The following GOLGA5 variants were observed in gnomAD, a reference collection of about 807,000 sequenced individuals.
GOLGA5 encodes the protein golgin subfamily A member 5.
GOLGA5 carries 50 observed loss-of-function variants against 93.5 expected under a neutral mutation model. The ratio of observed to expected loss-of-function variants is 0.53; its 90% CI spans 0.43 to 0.68. The LOEUF is 0.68. GOLGA5 is among the 30% of genes least tolerant of loss of function. The pLI is 0.00. For synonymous variants in GOLGA5, 312 were observed against 304.5 expected, an observed-to-expected ratio of 1.02 and a Z score of -0.26; for missense variants, 760 against 856.4, an observed-to-expected ratio of 0.89 and a Z score of 1.40.
At chr14:92,806,184 CAG>C (rs1028637534) in intron 2 of GOLGA5, among the ~76,000 whole-genome samples, 21 of 152,144 alleles carry the variant, frequency 1.4e-4, no homozygotes, top group African/African-American at 4.8e-4. Flanking sequence ...ATGTTCTCCC[CAG>C]AATGGTGTTG....
intron 9 of GOLGA5, among the ~76,000 whole-genome samples, chr14:92,826,319 GTGAGT>G (rs1428318492): frequency 6.6e-6 from 1 of 151,422 alleles, no homozygotes; most frequent in Non-Finnish European, 1.5e-5. Flanking sequence ...CACAATTGGA[GTGAGT>G]TAAGATTTAT....
rs767908775 is a variant in GOLGA5, at chr14:92,824,657, A to G, written c.1719+13A>G. Reference sequence around the variant, plus strand: ...ACTCAGGAATCAGGTATGAATCACTATTCACAACTTGTGAAAAGATGCCAC... The same window carrying G: ...ACTCAGGAATCAGGTATGAATCACTGTTCACAACTTGTGAAAAGATGCCAC... On this transcript the variant is annotated intron_variant, in intron 9 of 12. Transcript: ENST00000163416. The G allele has an allele frequency of 3.7e-6, 5 of 1,365,216 alleles. 1 individual carries two copies. Among genetic ancestry groups the G allele is most frequent in the East Asian group, 4.7e-5 (2 of 42,596 alleles). 84.6% of individuals were successfully genotyped at this position (1,365,216 alleles called of 1,614,324 possible).
intron 7 of GOLGA5, 101 bp downstream of exon 7, chr14:92,816,522 G>GCTTCTCTTCGCTTCGCTTCGCTTCT: frequency 1.4e-6 from 1 of 720,384 alleles, no homozygotes; most frequent in South Asian, 1.8e-5. Context: ...TAGGTTTCTC[G>GCTTCTCTTCGCTTCGCTTCGCTTCT]CTTCTCTTCG....
intron 9 of GOLGA5, among the ~76,000 whole-genome samples, chr14:92,825,517 A>G (rs1885398705): frequency 6.6e-6 from 1 of 152,182 alleles, no homozygotes; most frequent in Non-Finnish European, 1.5e-5. Context: ...TATATTTACT[A>G]AATATTTATT....
rs773158047 is a variant in GOLGA5, at chr14:92,809,470, C to T, written c.943C>T (p.Leu315=). The part of the protein sequence containing the change: ...KVRLQEADQL[L]STRTEALEAL... ...GAGACTCCAGGAAGCTGACCAGCTA[C>T]TGAGTACTCGCACAGAAGCATTAGA... is the stretch of plus-strand genomic sequence containing the variant. The change falls in exon 4 of 13, where the codon CTG becomes TTG. Residue 315 remains leucine (L), a synonymous_variant. Coordinates refer to ENST00000163416, the MANE Select transcript of GOLGA5 (RefSeq NM_005113.4). The T allele has an allele frequency of 6.2e-7, 1 of 1,613,928 alleles. No individual in the cohort carries two copies. The highest frequency in any genetic ancestry group is 2.2e-5 in the East Asian group (1 of 44,874).
rs539686663 is a variant in GOLGA5, at chr14:92,825,880, T to C, written c.1719+1236T>C. Among the ~76,000 whole-genome samples, 793 of 130,620 alleles carry C rather than the reference T, an allele frequency of 6.1e-3. 7 individuals carry two copies. The highest frequency in any genetic ancestry group is 0.022 in the African/African-American group (763 of 34,496). 85.7% of individuals were successfully genotyped at this position (130,620 alleles called of 152,430 possible). A position where few individuals can be genotyped will look rare whatever the true frequency, so the allele number is the denominator to read the frequency against. Reference sequence around the variant, plus strand: ...CAAAAAAAAAAAGAAAAAACAACCATAGGGTGGCTTATGCCTATAGTCCTA... The same window carrying C: ...CAAAAAAAAAAAGAAAAAACAACCACAGGGTGGCTTATGCCTATAGTCCTA... On this transcript the variant is annotated intron_variant, in intron 9 of 12. Transcript: ENST00000163416.
chr14:92,798,039 A>G, intron 2 of GOLGA5, 58 bp downstream of exon 2: 1 of 1,089,456 alleles, frequency 9.2e-7, no homozygotes, highest in Non-Finnish European at 1.3e-6. Flanking sequence ...GTGTCATCAT[A>G]TGATCCGATG....
chr14:92,800,770 T>C (rs1391521976), intron 2 of GOLGA5, among the ~76,000 whole-genome samples: 1 of 152,234 alleles, frequency 6.6e-6, no homozygotes, highest in Non-Finnish European at 1.5e-5. Context: ...AGTGTGATGC[T>C]AGTAGAGATC....
intron 8 of GOLGA5, among the ~76,000 whole-genome samples, chr14:92,820,122 C>G (rs1414396525): frequency 6.6e-6 from 1 of 152,160 alleles, no homozygotes; most frequent in African/African-American, 2.4e-5. Context: ...TACGGAGGAC[C>G]TTCACCGGCA....
chr14:92,817,171 C>A lies in GOLGA5; in HGVS notation c.1491+750C>A, dbSNP rs565530945. ...GCCCAGGCTGGTCTTGAACTCCTGACCTCAAGTGATCCGCCCACCTCGGCC... is the reference window on the plus strand; with the variant it reads ...GCCCAGGCTGGTCTTGAACTCCTGAACTCAAGTGATCCGCCCACCTCGGCC... On this transcript the variant is annotated intron_variant, in intron 7 of 12. Transcript: ENST00000163416. 3.9e-5 allele frequency among the ~76,000 whole-genome samples: 6 copies of A among 152,188 alleles called. No homozygotes were observed. The South Asian group carries it at 1.2e-3, about 32-fold the overall frequency.
Position 92,794,379 on chromosome 14 carries a change from C to T in GOLGA5, c.-108C>T, listed in dbSNP as rs908675278. ...GGGAGGAGGTTTACTCAGCTTGGGC[C>T]CCCTCCGGGCCAGCCGCCGAGGGGG... On this transcript the variant is annotated 5_prime_UTR_variant, in exon 1 of 13. Transcript: ENST00000163416. 1.3e-5 allele frequency: 2 copies of T among 152,372 alleles called. No homozygotes were observed. The highest frequency in any genetic ancestry group is 2.9e-5 in the Non-Finnish European group (2 of 68,158). 9.4% of individuals were successfully genotyped at this position (152,372 alleles called of 1,614,324 possible). A position where few individuals can be genotyped will look rare whatever the true frequency, so the allele number is the denominator to read the frequency against.
At chr14:92,813,157 C>G (rs1885136474) in intron 6 of GOLGA5, among the ~76,000 whole-genome samples, 1 of 152,088 alleles carries the variant, frequency 6.6e-6, no homozygotes, top group African/African-American at 2.4e-5. Flanking sequence ...CATGAAGTAT[C>G]ATATTGATCT....
At chr14:92,821,335 A>G (rs1474393346) in intron 8 of GOLGA5, among the ~76,000 whole-genome samples, 1 of 152,158 alleles carries the variant, frequency 6.6e-6, no homozygotes, top group Non-Finnish European at 1.5e-5. Context: ...GTTTAAAATT[A>G]TATTTCATTG....
At chr14:92,816,889 TTTCC>T (rs1885220297) in intron 7 of GOLGA5, among the ~76,000 whole-genome samples, 2 of 151,908 alleles carry the variant, frequency 1.3e-5, no homozygotes, top group Admixed American at 6.6e-5. Context: ...TCTTTCTTTC[TTTCC>T]TTTCTTTCCT....
chr14:92,800,474 A>C (rs1435418026), intron 2 of GOLGA5, among the ~76,000 whole-genome samples: 3 of 152,240 alleles, frequency 2.0e-5, no homozygotes, highest in Non-Finnish European at 4.4e-5. Flanking sequence ...GGTGATGAAG[A>C]AAATGTAGCT....
At chr14:92,838,006 T>TA in intron 12 of GOLGA5, among the ~76,000 whole-genome samples, 1 of 152,374 alleles carries the variant, frequency 6.6e-6, no homozygotes, top group Non-Finnish European at 1.5e-5. Flanking sequence ...GTCTAATAGT[T>TA]ACCTCCATTT....
chr14:92,811,526 A>ATT (rs1375662430), intron 5 of GOLGA5, 25 bp from the exon 6 acceptor site: 1 of 1,380,592 alleles, frequency 7.2e-7, no homozygotes, highest in Non-Finnish European at 1.0e-6. Flanking sequence ...GATATCATTA[A>ATT]TTATGATATA....
chr14:92,833,715 A>G (rs1170670745), intron 10 of GOLGA5, among the ~76,000 whole-genome samples: 1 of 152,244 alleles, frequency 6.6e-6, no homozygotes, highest in African/African-American at 2.4e-5. Context: ...GAGCTAATAC[A>G]TAGTTCACAT....
At chr14:92,796,329 T>C (rs1884725606) in intron 1 of GOLGA5, among the ~76,000 whole-genome samples, 1 of 152,216 alleles carries the variant, frequency 6.6e-6, no homozygotes, top group Non-Finnish European at 1.5e-5. Flanking sequence ...GTACCACAGA[T>C]TGATTGGCTG....
Sources: allele counts gnomAD v4.1 joint callset (sites outside exome capture counted in the v4.1 genomes callset), GRCh38; gene constraint gnomAD v4.1.1; transcripts MANE v1.5; gene names NCBI Gene and HGNC (gene_info 2026-07-23, HGNC 2026-07-21).